The following PXK variants were observed in gnomAD, a reference collection of about 807,000 sequenced individuals.
The protein encoded by PXK is PX domain-containing protein kinase-like protein.
Under a neutral mutation model 84.7 loss-of-function variants are expected in PXK, and 35 were observed. The observed-to-expected ratio is 0.41, with a 90% confidence interval of 0.32 to 0.55. The LOEUF (loss-of-function observed/expected upper bound fraction) is 0.55, where lower values mean the gene tolerates loss of function less well. Ranked by LOEUF, PXK falls within the 20% of genes least tolerant of loss-of-function variation. PXK has a pLI of 0.21. For missense variants in PXK, 634 were observed against 699.7 expected, an observed-to-expected ratio of 0.91 and a Z score of 1.06; for synonymous variants, 253 against 260.8, an observed-to-expected ratio of 0.97 and a Z score of 0.29.
Position 58,420,850 on chromosome 3 carries a change from G to A in PXK, c.1529-3902G>A, listed in dbSNP as rs148836825. The A allele has an allele frequency of 7.8e-5, 97 of 1,243,002 alleles. No homozygotes were observed. The African/African-American group carries it at 1.4e-3, about 17-fold the overall frequency. The allele number at this position is 1,243,002 out of a possible 1,614,324, so 77.0% of individuals were successfully genotyped here. ...CTAAAACCTGCAAATCAACTGCATG[G>A]CATTTTGGTATATTTTAATTTTGGA... On this transcript the variant is annotated intron_variant, in intron 17 of 17. Transcript: ENST00000356151.
At position 58,399,268 on chromosome 3, in the gene PXK, G is replaced by A. The variant is rs11712213; in HGVS notation, c.1103-31G>A. The A allele has an allele frequency of 0.34, 538,870 of 1,598,514 alleles. 97,002 individuals are homozygous for A. The highest frequency in any genetic ancestry group is 0.4 in the Middle Eastern group (2,435 of 6,040). ...AAGTGGATTTGCCAGCGTGTTCTGTGGAACTAAAATGTGTATCTGTTCATT... is the reference window on the plus strand; with the variant it reads ...AAGTGGATTTGCCAGCGTGTTCTGTAGAACTAAAATGTGTATCTGTTCATT... On this transcript the variant is annotated intron_variant, in intron 11 of 17. Transcript: ENST00000356151. The surrounding 1 kb of genome is among the most constrained non-coding windows in gnomAD (Gnocchi z 4.3).
At chr3:58,423,580 A>G in intron 17 of PXK, 1 of 1,514,952 alleles carries the variant, frequency 6.6e-7, no homozygotes. Flanking sequence ...TGTGTTGGTG[A>G]TTCTGAGCCA....
Position 58,372,185 on chromosome 3 carries a change from G to T in PXK, c.201+2707G>T, listed in dbSNP as rs574158940. 1.1e-4 allele frequency among the ~76,000 whole-genome samples: 16 copies of T among 152,270 alleles called. No individual in the cohort carries two copies. In the South Asian group the frequency reaches 2.7e-3, roughly 26 times the overall value. Reference sequence around the variant, plus strand: ...CAAGTAAATATGCCAAAATGTTAATGGTGATCCCCAGGTGGCAGAATTATA... The same window carrying T: ...CAAGTAAATATGCCAAAATGTTAATTGTGATCCCCAGGTGGCAGAATTATA... On this transcript the variant is annotated intron_variant, in intron 3 of 17. Transcript: ENST00000356151.
chr3:58,389,835 A>G (rs1047977249), intron 4 of PXK, among the ~76,000 whole-genome samples: 1 of 151,820 alleles, frequency 6.6e-6, no homozygotes, highest in African/African-American at 2.4e-5. Context: ...CCCCGTTTCT[A>G]CTAAAAATAC....
intron 2 of PXK, among the ~76,000 whole-genome samples, chr3:58,368,614 G>T (rs2098314951): frequency 6.6e-6 from 1 of 152,154 alleles, no homozygotes. Context: ...AAGCCACTGT[G>T]CCCAGCCCAT....
chr3:58,351,117 G>A (rs1420009136), intron 1 of PXK, among the ~76,000 whole-genome samples: 1 of 151,970 alleles, frequency 6.6e-6, no homozygotes, highest in Non-Finnish European at 1.5e-5. Flanking sequence ...CCTTGTCAAA[G>A]GAAAAAAGGT....
Position 58,332,992 on chromosome 3 carries a change from G to A in PXK, c.4G>A (p.Ala2Thr). The A allele has an allele frequency of 2.2e-6, 3 of 1,365,820 alleles. No individual in the cohort carries two copies. The highest frequency in any genetic ancestry group is 1.4e-5 in the South Asian group (1 of 69,470). 84.6% of individuals were successfully genotyped at this position (1,365,820 alleles called of 1,614,324 possible). M[A>T]FMEKPPAGKV... ...GGCGGCGGCCGGGCGTCCCGGGATG[G>A]CCTTCATGGAGAAGCCGCCAGCCGG... is the stretch of plus-strand genomic sequence containing the variant. Residue 2 changes from alanine (A) to threonine (T), a missense_variant, in exon 1 of 18, where the codon GCC (alanine) becomes ACC (threonine). By Grantham distance (58) the Ala-to-Thr change is moderately conservative (BLOSUM62 0). This residue lies in a region of PXK where 353 missense variants were observed against 385.2 expected (regional missense o/e 0.92). Coordinates refer to ENST00000356151, the MANE Select transcript of PXK (RefSeq NM_017771.5). The surrounding 1 kb of genome is among the most constrained non-coding windows in gnomAD (Gnocchi z 5.6).
chr3:58,423,430 C>T lies in PXK; in HGVS notation c.1529-1322C>T, dbSNP rs575512878. The stretch of plus-strand genomic sequence containing the variant: ...GCATTCCAAGATTGCAGAGCATGAG[C>T]GTGTGTATTTGTGTGATTCTTTAAT... On this transcript the variant is annotated intron_variant, in intron 17 of 17. Coordinates refer to ENST00000356151, the MANE Select transcript of PXK (RefSeq NM_017771.5). 149 of 1,523,116 alleles carry T rather than the reference C, an allele frequency of 9.8e-5. No homozygotes were observed. The African/African-American group carries it at 1.8e-3, about 18-fold the overall frequency. 94.4% of individuals were successfully genotyped at this position (1,523,116 alleles called of 1,614,324 possible).
intron 1 of PXK, among the ~76,000 whole-genome samples, chr3:58,360,905 A>C (rs903126006): frequency 6.6e-6 from 1 of 151,896 alleles, no homozygotes; most frequent in African/African-American, 2.4e-5. Context: ...GATTTAATTT[A>C]TACTTTCATC....
intron 1 of PXK, among the ~76,000 whole-genome samples, chr3:58,335,700 G>A (rs2097579705): frequency 6.6e-6 from 1 of 152,106 alleles, no homozygotes; most frequent in African/African-American, 2.4e-5. Context: ...CAGACTTGGG[G>A]TTGGAAGAGG....
At position 58,333,011 on chromosome 3, in the gene PXK, C is replaced by T; in HGVS notation, c.23C>T (p.Pro8Leu). The change falls in exon 1 of 18, where the codon CCA becomes CTA. Residue 8 changes from proline to leucine, a missense_variant. Transcript: ENST00000356151. This position sits in a 1 kb window ranked among gnomAD's most constrained non-coding sequence, Gnocchi z 5.4. Reference protein sequence around the residue: MAFMEKPPAGKVLLDDTV... With the variant: MAFMEKPLAGKVLLDDTV... ...GGGATGGCCTTCATGGAGAAGCCGC[C>T]AGCCGGCAAGGTGCTGCTGGACGAC... 1 of 1,370,132 alleles carries T rather than the reference C, an allele frequency of 7.3e-7. No individual in the cohort carries two copies. Among genetic ancestry groups the T allele is most frequent in the Non-Finnish European group, 9.5e-7 (1 of 1,049,098 alleles). The allele number at this position is 1,370,132 out of a possible 1,614,324, so 84.9% of individuals were successfully genotyped here.
rs922763309 is a variant in PXK at position 58,360,522 on chromosome 3, C to T, written c.103-5352C>T. On this transcript the variant is annotated intron_variant, in intron 1 of 17. Transcript: ENST00000356151. ...CTCAAAGTTAGTAAAACAGGCTGGG[C>T]GCAGTGGCTCATACCTGTAATCCCA... Among the ~76,000 whole-genome samples the T allele has an allele frequency of 2.6e-5, 4 of 152,018 alleles. No homozygotes were observed. The East Asian group carries it at 7.7e-4, about 29-fold the overall frequency.
At chr3:58,402,567 C>A (rs962963824) in intron 12 of PXK, among the ~76,000 whole-genome samples, 1 of 151,102 alleles carries the variant, frequency 6.6e-6, no homozygotes, top group African/African-American at 2.4e-5. Flanking sequence ...GTAGCTGGAA[C>A]TACAGGTGCG....
At position 58,364,729 on chromosome 3, in the gene PXK, A is replaced by G. The variant is rs1328937550; in HGVS notation, c.103-1145A>G. ...TCGGTCTCAAAAAAAAAAAATCATT[A>G]TGAAGATCAAATTATGTATTTCATA... is the stretch of plus-strand genomic sequence containing the variant. On this transcript the variant is annotated intron_variant, in intron 1 of 17. Transcript: ENST00000356151. This position sits in a 1 kb window ranked among gnomAD's most constrained non-coding sequence, Gnocchi z 4.3. Among the ~76,000 whole-genome samples the G allele has an allele frequency of 6.6e-6, 1 of 152,062 alleles. No individual in the cohort carries two copies. The highest frequency in any genetic ancestry group is 1.5e-5 in the Non-Finnish European group (1 of 68,024).
In PXK at chr3:58,365,904, T is replaced by C; in HGVS notation, c.133T>C (p.Ser45Pro). ...TATTATTCGAGTGCAAAGAGGAATT[T>C]CTGTGGAAAACAGCTGGCAGGTAAG... ...EYIIRVQRGI[S>P]VENSWQIVRR... is the part of the protein sequence containing the mutation. The change falls in exon 2 of 18, where the codon TCT becomes CCT. Residue 45 changes from serine (S) to proline (P), a missense_variant. By Grantham distance (74) the Ser-to-Pro change is moderately conservative. This residue lies in a region of PXK where 353 missense variants were observed against 385.2 expected (regional missense o/e 0.92). Coordinates refer to ENST00000356151, the MANE Select transcript of PXK (RefSeq NM_017771.5). 6.3e-7 allele frequency: 1 copy of C among 1,585,780 alleles called. No individual in the cohort carries two copies. Among genetic ancestry groups the C allele is most frequent in the Non-Finnish European group, 8.5e-7 (1 of 1,169,914 alleles).
chr3:58,386,102 G>T (rs2098548382), intron 4 of PXK, among the ~76,000 whole-genome samples: 1 of 151,926 alleles, frequency 6.6e-6, no homozygotes, highest in African/African-American at 2.4e-5. Context: ...TTCTTTTCCA[G>T]GTTTTCTCCA....
chr3:58,359,328 G>A (rs1441913348), intron 1 of PXK, among the ~76,000 whole-genome samples: 3 of 151,758 alleles, frequency 2.0e-5, no homozygotes, highest in East Asian at 1.9e-4. Context: ...TCAGGAGATC[G>A]AGACCATCCT....
At chr3:58,336,073 T>A (rs201509195) in intron 1 of PXK, among the ~76,000 whole-genome samples, 741 of 31,428 alleles carry the variant, frequency 0.024, 1 homozygote, top group South Asian at 0.06. Context: ...ATATATATAT[T>A]TTTTTTTTTT....
Position 58,397,289 on chromosome 3 carries a change from A to G in PXK, c.984+89A>G, listed in dbSNP as rs2057835028. The G allele has an allele frequency of 9.7e-6, 14 of 1,439,618 alleles. No individual in the cohort carries two copies. Among genetic ancestry groups the G allele is most frequent in the Non-Finnish European group, 1.2e-5 (13 of 1,040,556 alleles). 89.2% of individuals were successfully genotyped at this position (1,439,618 alleles called of 1,614,324 possible). ...CCCATGTAGGAAATATGCACCAAGT[A>G]GTGAAAGGTATAGTTGGGACAGGCC... On this transcript the variant is annotated intron_variant, in intron 10 of 17. Transcript: ENST00000356151. The surrounding 1 kb of genome is among the most constrained non-coding windows in gnomAD (Gnocchi z 4.7).
Sources: gnomAD v4.1 joint callset for allele counts (sites outside exome capture counted in the v4.1 genomes callset) on GRCh38, gnomAD v4.1.1 for gene constraint, gnomAD v4.1.1 regional missense constraint, Gnocchi (gnomAD v3.1) non-coding constraint, MANE v1.5 for transcripts, NCBI Gene and HGNC (gene_info 2026-07-23, HGNC 2026-07-21) for gene names.